Variants in NRG1 observed in about 807,000 individuals in gnomAD.
NRG1 encodes the protein neuregulin 1.
Under a neutral mutation model 63.8 loss-of-function variants are expected in NRG1, and 18 were observed. The observed-to-expected ratio is 0.28, with a 90% CI of 0.19 to 0.42. The LOEUF (loss-of-function observed/expected upper bound fraction) is 0.42. Among genes scored for constraint, NRG1 ranks in the 10% least tolerant of loss-of-function variants. The pLI is 1.00. For missense variants in NRG1, 762 were observed against 814.7 expected, an observed-to-expected ratio of 0.94 and a Z score of 0.79; for synonymous variants, 302 against 301.3, an observed-to-expected ratio of 1.00 and a Z score of -0.02.
At chr8:32,146,812 CCTT>C (rs1348478657) in intron 1 of NRG1, among the ~76,000 whole-genome samples, 38 of 151,868 alleles carry the variant, frequency 2.5e-4, no homozygotes, top group African/African-American at 8.7e-4. Context: ...ATTTGCCACT[CCTT>C]CTACGTATTA....
At chr8:31,883,982 T>C (rs1830539543) in intron 1 of NRG1, among the ~76,000 whole-genome samples, 1 of 152,066 alleles carries the variant, frequency 6.6e-6, no homozygotes, top group African/African-American at 2.4e-5. Flanking sequence ...GCTTATTTCC[T>C]CTGGAGAGTG....
intron 5 of NRG1, among the ~76,000 whole-genome samples, chr8:32,672,670 G>A (rs764111399): frequency 6.6e-6 from 1 of 152,054 alleles, no homozygotes; most frequent in Non-Finnish European, 1.5e-5. Flanking sequence ...ATTAGAAAAT[G>A]TTTCTTTCAT....
At chr8:31,932,105 A>G (rs931184432) in intron 1 of NRG1, among the ~76,000 whole-genome samples, 8 of 150,516 alleles carry the variant, frequency 5.3e-5, no homozygotes, top group African/African-American at 2.0e-4. Flanking sequence ...CACCCACTCA[A>G]TTTTTGCCTA....
intron 1 of NRG1, among the ~76,000 whole-genome samples, chr8:32,436,962 C>T (rs1249415687): frequency 3.3e-5 from 5 of 151,958 alleles, no homozygotes; most frequent in African/African-American, 1.2e-4. Context: ...AGCACCAATC[C>T]CCATTACAAC....
chr8:32,409,730 G>A (rs1814620349), intron 1 of NRG1, among the ~76,000 whole-genome samples: 1 of 152,176 alleles, frequency 6.6e-6, no homozygotes, highest in African/African-American at 2.4e-5. Flanking sequence ...GAAGAGATGA[G>A]CTTTGATAGT....
chr8:32,679,178 T>C (rs1807968388), intron 5 of NRG1, among the ~76,000 whole-genome samples: 1 of 152,092 alleles, frequency 6.6e-6, no homozygotes, highest in Non-Finnish European at 1.5e-5. Context: ...TAATAAGCTA[T>C]CTATTCTAGA....
intron 1 of NRG1, among the ~76,000 whole-genome samples, chr8:32,524,871 A>G (rs1830671919): frequency 6.6e-6 from 1 of 152,192 alleles, no homozygotes; most frequent in Admixed American, 6.5e-5. Context: ...CGCTCATCAC[A>G]TGAATAGAAT....
intron 1 of NRG1, among the ~76,000 whole-genome samples, chr8:31,941,248 C>G (rs1801703926): frequency 6.6e-6 from 1 of 152,054 alleles, no homozygotes; most frequent in Admixed American, 6.6e-5. Context: ...TTAACATAGG[C>G]AAGTCAATAA....
chr8:32,392,782 G>A (rs975521554), intron 1 of NRG1, among the ~76,000 whole-genome samples: 1 of 152,154 alleles, frequency 6.6e-6, no homozygotes, highest in African/African-American at 2.4e-5. Context: ...GATAAAATGA[G>A]TCTTAAGTAA....
intron 1 of NRG1, among the ~76,000 whole-genome samples, chr8:31,717,952 G>T (rs1377449530): frequency 2.6e-5 from 4 of 152,154 alleles, no homozygotes; most frequent in African/African-American, 7.2e-5. Context: ...GCGTCTTTTA[G>T]TCTTGTATGT....
chr8:31,860,710 C>G (rs1231444797), intron 1 of NRG1, among the ~76,000 whole-genome samples: 2 of 152,094 alleles, frequency 1.3e-5, no homozygotes, highest in Admixed American at 6.6e-5. Flanking sequence ...AAAAGCCAGT[C>G]TAGGTAATTT....
chr8:32,035,681 A>G (rs118078665), intron 1 of NRG1, among the ~76,000 whole-genome samples: 1 of 152,262 alleles, frequency 6.6e-6, no homozygotes, highest in African/African-American at 2.4e-5. Flanking sequence ...CTTCACCATT[A>G]TGTAATGCCT....
intron 1 of NRG1, among the ~76,000 whole-genome samples, chr8:31,792,749 T>C (rs758963615): frequency 1.3e-5 from 2 of 152,228 alleles, no homozygotes; most frequent in East Asian, 3.8e-4. Flanking sequence ...GTCTTTGCAG[T>C]AATCTCCCTC....
chr8:31,981,198 T>C (rs1440478153), intron 1 of NRG1, among the ~76,000 whole-genome samples: 1 of 152,030 alleles, frequency 6.6e-6, no homozygotes, highest in Admixed American at 6.6e-5. Flanking sequence ...AGACTAGTTG[T>C]GTCACCTATT....
chr8:32,474,583 C>T (rs975548310), intron 1 of NRG1, among the ~76,000 whole-genome samples: 1 of 151,922 alleles, frequency 6.6e-6, no homozygotes, highest in Non-Finnish European at 1.5e-5. Context: ...ACCTCCGCCT[C>T]CCAGGTTCAA....
chr8:32,171,066 C>T (rs1162676593), intron 1 of NRG1, among the ~76,000 whole-genome samples: 1 of 151,890 alleles, frequency 6.6e-6, no homozygotes, highest in Non-Finnish European at 1.5e-5. Flanking sequence ...GTGTGTCTAG[C>T]TTGTTGGGGG....
At position 32,298,098 on chromosome 8, in the gene NRG1, G is replaced by T. The variant is rs78282594; in HGVS notation, c.38-297730G>T. ...TTAAATAGCATCTTAAAGAGCAAAAGAAACTATTAAGAATAATTAAGTGGA... is the reference window on the plus strand; with the variant it reads ...TTAAATAGCATCTTAAAGAGCAAAATAAACTATTAAGAATAATTAAGTGGA... On this transcript the variant is annotated intron_variant, in intron 1 of 10. Transcript: ENST00000519301. Among the ~76,000 whole-genome samples, 319 of 152,334 alleles carry T rather than the reference G, an allele frequency of 2.1e-3. 2 individuals carry two copies. Among genetic ancestry groups the T allele is most frequent in the Non-Finnish European group, 3.4e-3 (231 of 68,016 alleles).
chr8:31,660,229 G>T (rs1013133219), intron 1 of NRG1, among the ~76,000 whole-genome samples: 1 of 152,180 alleles, frequency 6.6e-6, no homozygotes, highest in African/African-American at 2.4e-5. Flanking sequence ...AGCTATGATT[G>T]ATTGCTGTTC....
At chr8:31,816,459 G>A (rs1823456515) in intron 1 of NRG1, among the ~76,000 whole-genome samples, 1 of 152,168 alleles carries the variant, frequency 6.6e-6, no homozygotes, top group Non-Finnish European at 1.5e-5. Context: ...CTTTAAGGAA[G>A]TAGAAAACTC....
Sources: allele counts gnomAD v4.1 joint callset (sites outside exome capture counted in the v4.1 genomes callset), GRCh38; gene constraint gnomAD v4.1.1; transcripts MANE v1.5; gene names NCBI Gene and HGNC (gene_info 2026-07-23, HGNC 2026-07-21).